NPAS3: variants seen among roughly 807,000 people sequenced by gnomAD.
The protein encoded by NPAS3 is neuronal PAS domain-containing protein 3.
In NPAS3, 14 loss-of-function variants were observed where a neutral mutation model predicts 73.1. The observed-to-expected ratio is 0.19, with a 90% CI of 0.13 to 0.30. The LOEUF (loss-of-function observed/expected upper bound fraction) is 0.30, where lower values mean the gene tolerates loss of function less well. NPAS3 is among the 10% of genes least tolerant of loss of function. NPAS3 has a pLI of 1.00. For missense variants in NPAS3, 1,096 were observed against 1,250.0 expected, an observed-to-expected ratio of 0.88 and a Z score of 1.86; for synonymous variants, 620 against 541.5, an observed-to-expected ratio of 1.14 and a Z score of -2.01.
exon 12 of NPAS3, chr14:33,801,064 C>A: frequency 6.3e-7 from 1 of 1,594,200 alleles, no homozygotes. Flanking sequence ...CCGTCTACAG[C>A]AACGGCATCC....
At chr14:33,393,136 T>C (rs190488869) in intron 4 of NPAS3, among the ~76,000 whole-genome samples, 7 of 152,240 alleles carry the variant, frequency 4.6e-5, no homozygotes, top group Admixed American at 4.6e-4. Flanking sequence ...TTTGTACCTG[T>C]TGAGGGAAGT....
At chr14:33,646,793 A>G (rs1253032327) in intron 5 of NPAS3, among the ~76,000 whole-genome samples, 1 of 152,206 alleles carries the variant, frequency 6.6e-6, no homozygotes, top group African/African-American at 2.4e-5. Flanking sequence ...ATTTGCTCAC[A>G]CGTTAGCAAT....
chr14:33,611,882 C>T (rs7145208), intron 5 of NPAS3, among the ~76,000 whole-genome samples: 52,899 of 151,950 alleles, frequency 0.35, 9,999 homozygotes, highest in East Asian at 0.67. Flanking sequence ...TAAAAAGCTT[C>T]AAGGGAGAGG....
intron 6 of NPAS3, among the ~76,000 whole-genome samples, chr14:33,717,628 G>A (rs1280342128): frequency 6.6e-6 from 1 of 151,912 alleles, no homozygotes; most frequent in African/African-American, 2.4e-5. Flanking sequence ...TATGCCCAAG[G>A]AAGGACCGTG....
intron 2 of NPAS3, among the ~76,000 whole-genome samples, chr14:33,066,914 C>T (rs924702346): frequency 2.6e-5 from 4 of 152,072 alleles, no homozygotes; most frequent in East Asian, 1.9e-4. Context: ...GGCTGAAATC[C>T]GGAGAAAAGG....
chr14:33,683,796 A>C (rs2060008781), intron 6 of NPAS3, among the ~76,000 whole-genome samples: 1 of 152,236 alleles, frequency 6.6e-6, no homozygotes, highest in South Asian at 2.1e-4. Context: ...TCCAGTTGTC[A>C]GCTCTTTGCC....
intron 5 of NPAS3, among the ~76,000 whole-genome samples, chr14:33,621,306 A>G (rs1481502985): frequency 6.6e-6 from 1 of 152,174 alleles, no homozygotes; most frequent in Non-Finnish European, 1.5e-5. Context: ...CTAATTTTTG[A>G]ACATCTAAAC....
intron 1 of NPAS3, among the ~76,000 whole-genome samples, chr14:32,952,092 G>T (rs1272550489): frequency 6.6e-6 from 1 of 151,886 alleles, no homozygotes; most frequent in Non-Finnish European, 1.5e-5. Flanking sequence ...TGTGTGTGTA[G>T]ATTATACATA....
intron 6 of NPAS3, among the ~76,000 whole-genome samples, chr14:33,717,013 T>C (rs1188795139): frequency 1.3e-5 from 2 of 152,152 alleles, no homozygotes; most frequent in Non-Finnish European, 2.9e-5. Flanking sequence ...TAAAATGTTT[T>C]GAAAGCAGGT....
chr14:33,486,455 A>G (rs1183880910), intron 4 of NPAS3, among the ~76,000 whole-genome samples: 1 of 152,184 alleles, frequency 6.6e-6, no homozygotes, highest in East Asian at 1.9e-4. Context: ...CAAATCACTT[A>G]TCTTACCAGA....
chr14:33,364,838 A>C (rs955159045), intron 3 of NPAS3, among the ~76,000 whole-genome samples: 1 of 151,148 alleles, frequency 6.6e-6, no homozygotes, highest in Non-Finnish European at 1.5e-5. Context: ...GAGCAGCTTT[A>C]TGTTGTTACT....
chr14:32,969,896 T>C (rs1190158534), intron 1 of NPAS3, among the ~76,000 whole-genome samples: 1 of 152,212 alleles, frequency 6.6e-6, no homozygotes, highest in East Asian at 1.9e-4. Context: ...GAATGTCACA[T>C]AGGATTGCCT....
intron 5 of NPAS3, among the ~76,000 whole-genome samples, chr14:33,669,835 C>T: frequency 6.6e-6 from 1 of 152,190 alleles, no homozygotes. Flanking sequence ...GAATTATCTT[C>T]TGGCACATCT....
At position 33,363,599 on chromosome 14, in the gene NPAS3, G is replaced by T. The variant is rs2045702667; in HGVS notation, c.386-3587G>T. Among the ~76,000 whole-genome samples, 5 of 152,228 alleles carry T rather than the reference G, an allele frequency of 3.3e-5. No homozygotes were observed. The South Asian group carries it at 1.0e-3, about 32-fold the overall frequency. ...TTTATTTTTAACCCTTGTAAAACATGAAATAGTAGAGTTGTGGTGTGTGTT... is the reference window on the plus strand; with the variant it reads ...TTTATTTTTAACCCTTGTAAAACATTAAATAGTAGAGTTGTGGTGTGTGTT... On this transcript the variant is annotated intron_variant, in intron 3 of 11. Transcript: ENST00000356141.
At chr14:32,939,144 G>GCC (rs2035847897), upstream of NPAS3, 2 of 110,134 alleles carry the variant, frequency 1.8e-5, no homozygotes, top group Admixed American at 2.6e-4. Context: ...CCGCCGCCAC[G>GCC]GCCACGGCCA....
At chr14:33,448,599 C>T (rs2049633151) in intron 4 of NPAS3, among the ~76,000 whole-genome samples, 1 of 152,090 alleles carries the variant, frequency 6.6e-6, no homozygotes, top group South Asian at 2.1e-4. Context: ...GATCATTGTT[C>T]CTATTTGGCA....
At chr14:32,988,856 A>G (rs1299764379) in intron 1 of NPAS3, among the ~76,000 whole-genome samples, 1 of 152,202 alleles carries the variant, frequency 6.6e-6, no homozygotes. Context: ...TATATCTCCA[A>G]TTATGTAACC....
At chr14:32,938,279 C>T (rs1173693551), upstream of NPAS3, among the ~76,000 whole-genome samples, 1 of 152,048 alleles carries the variant, frequency 6.6e-6, no homozygotes, top group Non-Finnish European at 1.5e-5. Context: ...ATTTCCGCTG[C>T]CCCCAAGGAG....
At chr14:33,750,443 C>T (rs755500091) in intron 7 of NPAS3, among the ~76,000 whole-genome samples, 8 of 152,114 alleles carry the variant, frequency 5.3e-5, no homozygotes, top group Non-Finnish European at 8.8e-5. Context: ...ACTTCAGTTC[C>T]TTCCAGACTG....
Sources: allele counts gnomAD v4.1 joint callset (sites outside exome capture counted in the v4.1 genomes callset), GRCh38; gene constraint gnomAD v4.1.1; transcripts MANE v1.5; gene names NCBI Gene and HGNC (gene_info 2026-07-23, HGNC 2026-07-21).